The following LARGE1 variants were observed in gnomAD, a reference collection of about 807,000 sequenced individuals.
LARGE1 encodes LARGE xylosyl- and glucuronyltransferase 1.
LARGE1 carries 43 observed loss-of-function variants against 87.6 expected under a neutral mutation model. That is an observed-to-expected ratio of 0.49 (90% CI 0.38 to 0.63). The LOEUF (loss-of-function observed/expected upper bound fraction) is 0.63. LARGE1 is among the 30% of genes least tolerant of loss of function. The pLI, the probability that LARGE1 is intolerant of heterozygous loss-of-function variation, is 0.00. For missense variants in LARGE1, 802 were observed against 1,000.2 expected (o/e 0.80, Z 2.67); for synonymous variants, 434 against 394.6 (o/e 1.10, Z -1.18).
intron 11 of LARGE1, among the ~76,000 whole-genome samples, chr22:33,250,446 C>G (rs113245122): frequency 1.8e-4 from 28 of 152,328 alleles, no homozygotes; most frequent in African/African-American, 6.5e-4. Flanking sequence ...TCTACACAGA[C>G]AATCATGTCA....
intron 4 of LARGE1, among the ~76,000 whole-genome samples, chr22:33,611,643 T>TG (rs1827148030): frequency 6.6e-6 from 1 of 152,194 alleles, no homozygotes; most frequent in Non-Finnish European, 1.5e-5. Flanking sequence ...AAAAATGGAA[T>TG]GAGTTAAGAC....
chr22:33,768,974 G>C (rs2084986741), intron 1 of LARGE1, among the ~76,000 whole-genome samples: 1 of 152,144 alleles, frequency 6.6e-6, no homozygotes, highest in Non-Finnish European at 1.5e-5. Flanking sequence ...TAAATAACTG[G>C]TTAATAAACA....
chr22:33,194,471 G>C (rs549247200), intron 11 of LARGE1, among the ~76,000 whole-genome samples: 40 of 152,256 alleles, frequency 2.6e-4, no homozygotes, highest in African/African-American at 9.4e-4. Flanking sequence ...AAGGTTTAGA[G>C]ATGGAGAGTT....
At chr22:33,657,776 A>G (rs2081009346) in intron 2 of LARGE1, among the ~76,000 whole-genome samples, 1 of 152,178 alleles carries the variant, frequency 6.6e-6, no homozygotes, top group Non-Finnish European at 1.5e-5. Context: ...ATAATGCACA[A>G]AAACAACTCT....
intron 9 of LARGE1, among the ~76,000 whole-genome samples, chr22:33,353,160 TTAATG>T (rs1940556289): frequency 6.6e-6 from 1 of 152,232 alleles, no homozygotes; most frequent in East Asian, 1.9e-4. Flanking sequence ...GATATATTAC[TTAATG>T]TTAGTACAAA....
chr22:33,368,584 A>G (rs925953226), intron 9 of LARGE1, among the ~76,000 whole-genome samples: 1 of 151,870 alleles, frequency 6.6e-6, no homozygotes, highest in Non-Finnish European at 1.5e-5. Context: ...AAATATTCCA[A>G]GATGAAAATG....
chr22:33,805,327 T>C (rs926488614), intron 1 of LARGE1, among the ~76,000 whole-genome samples: 36 of 152,104 alleles, frequency 2.4e-4, no homozygotes, highest in African/African-American at 8.5e-4. Context: ...TCTATCCTTG[T>C]CTGCAAGCTC....
chr22:33,470,963 T>C (rs1172948028), intron 6 of LARGE1, among the ~76,000 whole-genome samples: 2 of 152,082 alleles, frequency 1.3e-5, no homozygotes, highest in Non-Finnish European at 2.9e-5. Context: ...CCATATATGA[T>C]AATGTTTGTA....
chr22:33,895,920 G>A (rs781106326), intron 1 of LARGE1, among the ~76,000 whole-genome samples: 8 of 151,980 alleles, frequency 5.3e-5, no homozygotes, highest in Non-Finnish European at 1.2e-4. Context: ...TATTTTCACC[G>A]TAGTAAAATA....
intron 5 of LARGE1, among the ~76,000 whole-genome samples, chr22:33,601,162 T>C (rs1053265937): frequency 6.6e-6 from 1 of 152,186 alleles, no homozygotes; most frequent in Admixed American, 6.5e-5. Context: ...GTGGCATGAC[T>C]GCGCTTGTTT....
chr22:33,283,123 G>A (rs938851285), intron 13 of LARGE1, 79 bp downstream of exon 13: 32 of 1,570,656 alleles, frequency 2.0e-5, no homozygotes, highest in South Asian at 1.4e-4. Context: ...CTTCCAGATC[G>A]ATAGCTTTGG....
intron 10 of LARGE1, among the ~76,000 whole-genome samples, chr22:33,327,909 G>A (rs529393854): frequency 2.0e-5 from 3 of 152,138 alleles, no homozygotes; most frequent in Non-Finnish European, 2.9e-5. Context: ...TCAAGAAAAG[G>A]ACTTGTTATA....
chr22:33,732,597 T>C (rs1017243072), intron 2 of LARGE1: 2 of 152,372 alleles, frequency 1.3e-5, no homozygotes, highest in Admixed American at 6.5e-5. Flanking sequence ...ACATGCACAG[T>C]GCTGAGCATA....
intron 7 of LARGE1, among the ~76,000 whole-genome samples, chr22:33,405,630 C>T (rs984183432): frequency 2.6e-5 from 4 of 152,150 alleles, no homozygotes; most frequent in Non-Finnish European, 1.5e-5. Flanking sequence ...GCTTTCAATA[C>T]GGAATGCTCC....
chr22:33,738,745 T>C (rs1340519538), intron 2 of LARGE1, among the ~76,000 whole-genome samples: 1 of 151,050 alleles, frequency 6.6e-6, no homozygotes, highest in Non-Finnish European at 1.5e-5. Context: ...CTTGGGAGGC[T>C]GAGGCCAGAG....
chr22:33,831,779 C>CACAT (rs1555881576), intron 1 of LARGE1, among the ~76,000 whole-genome samples: 6 of 143,714 alleles, frequency 4.2e-5, no homozygotes, highest in African/African-American at 1.3e-4. Flanking sequence ...CACACACACA[C>CACAT]ACACATACAC....
intron 6 of LARGE1, among the ~76,000 whole-genome samples, chr22:33,500,140 C>G (rs2070359154): frequency 6.6e-6 from 1 of 152,146 alleles, no homozygotes; most frequent in Admixed American, 6.5e-5. Flanking sequence ...TCATGTACAT[C>G]TATAAGATAA....
chr22:33,133,478 C>T, the LARGE1 span, among the ~76,000 whole-genome samples: 2 of 152,132 alleles, frequency 1.3e-5, no homozygotes, highest in Admixed American at 6.6e-5. Context: ...TGGTTTCCAG[C>T]TTTATCCATG....
Position 33,606,806 on chromosome 22 carries a change from C to G in LARGE1, c.492-2248G>C, listed in dbSNP as rs545971629. ...CCACCCTGCACCTCCACATTCAGCA[C>G]TTGGTTATCTCTTAGTCTGCCTTAG... On this transcript the variant is annotated intron_variant, in intron 4 of 14. Transcript: ENST00000397394. 7.9e-4 allele frequency among the ~76,000 whole-genome samples: 120 copies of G among 152,266 alleles called. 4 individuals are homozygous for G. In the South Asian group the frequency reaches 0.024, roughly 30 times the overall value.
Sources: allele counts gnomAD v4.1 joint callset (sites outside exome capture counted in the v4.1 genomes callset), GRCh38; gene constraint gnomAD v4.1.1; transcripts MANE v1.5; gene names NCBI Gene and HGNC (gene_info 2026-07-23, HGNC 2026-07-21).